Variants in OTUD7A observed in about 807,000 individuals in gnomAD.
OTUD7A encodes OTU domain-containing protein 7A.
In OTUD7A, 12 loss-of-function variants were observed where a neutral mutation model predicts 65.7. The observed-to-expected ratio is 0.18, with a 90% CI of 0.12 to 0.30. The LOEUF (loss-of-function observed/expected upper bound fraction) is 0.30, where lower values mean the gene tolerates loss of function less well. OTUD7A is among the 10% of genes least tolerant of loss of function. The pLI, the probability that OTUD7A is intolerant of heterozygous loss-of-function variation, is 1.00. For missense variants in OTUD7A, 1,148 were observed against 1,304.8 expected (o/e 0.88, Z 1.85); for synonymous variants, 641 against 586.3 (o/e 1.09, Z -1.35).
At chr15:31,503,148 G>C (rs868429233) in intron 9 of OTUD7A, among the ~76,000 whole-genome samples, 9 of 152,282 alleles carry the variant, frequency 5.9e-5, no homozygotes, top group Middle Eastern at 3.4e-3. Flanking sequence ...TTGTAGCAAG[G>C]GCTGAATGGA....
chr15:31,503,555 ACGT>A (rs2041507273), intron 9 of OTUD7A, 133 bp downstream of exon 9: 1 of 1,197,392 alleles, frequency 8.4e-7, no homozygotes. Flanking sequence ...AGAAAGAAAC[ACGT>A]CGAGGAGATC....
chr15:31,770,318 T>C (rs1895200312), intron 1 of OTUD7A, among the ~76,000 whole-genome samples: 1 of 152,184 alleles, frequency 6.6e-6, no homozygotes, highest in South Asian at 2.1e-4. Context: ...AGAAAACTCA[T>C]ATTAAGTGGA....
chr15:31,798,597 C>T (rs1371362647), intron 1 of OTUD7A, among the ~76,000 whole-genome samples: 1 of 152,218 alleles, frequency 6.6e-6, no homozygotes, highest in Non-Finnish European at 1.5e-5. Flanking sequence ...GCTGCACCAA[C>T]CTGCCAGGGA....
intron 3 of OTUD7A, among the ~76,000 whole-genome samples, chr15:31,640,792 A>T (rs955516654): frequency 5.9e-5 from 9 of 152,166 alleles, no homozygotes; most frequent in African/African-American, 2.2e-4. Flanking sequence ...TATTATAGTC[A>T]AGCACATTAG....
At chr15:31,551,403 C>T (rs1226078334) in intron 5 of OTUD7A, among the ~76,000 whole-genome samples, 1 of 152,174 alleles carries the variant, frequency 6.6e-6, no homozygotes, top group Non-Finnish European at 1.5e-5. Context: ...GAACAAGACA[C>T]GGGCACTGGC....
intron 3 of OTUD7A, among the ~76,000 whole-genome samples, chr15:31,646,840 G>T (rs768592048): frequency 6.6e-6 from 1 of 152,130 alleles, no homozygotes; most frequent in African/African-American, 2.4e-5. Context: ...GTACCTGGGG[G>T]TTACAAGCTT....
chr15:31,840,451 T>A (rs8037197), intron 1 of OTUD7A, among the ~76,000 whole-genome samples: 89,827 of 151,152 alleles, frequency 0.59, 26,891 homozygotes, highest in East Asian at 0.68. Context: ...AATTAAAAAA[T>A]AAAAATAAAA....
chr15:31,531,200 C>T (rs951475832), intron 5 of OTUD7A, among the ~76,000 whole-genome samples: 2 of 152,098 alleles, frequency 1.3e-5, no homozygotes, highest in Non-Finnish European at 2.9e-5. Context: ...GTTCATATTT[C>T]ATTTGATTCA....
At chr15:31,729,812 T>G (rs1893992458) in intron 1 of OTUD7A, among the ~76,000 whole-genome samples, 1 of 152,132 alleles carries the variant, frequency 6.6e-6, no homozygotes, top group African/African-American at 2.4e-5. Flanking sequence ...TTTCTTAACC[T>G]TCCTATCCAC....
At chr15:31,639,938 A>T (rs1891461474) in intron 3 of OTUD7A, among the ~76,000 whole-genome samples, 1 of 152,256 alleles carries the variant, frequency 6.6e-6, no homozygotes. Flanking sequence ...TATGATTTGC[A>T]GTATTTTCTT....
chr15:31,735,669 A>T (rs1894169456), intron 1 of OTUD7A, among the ~76,000 whole-genome samples: 1 of 152,226 alleles, frequency 6.6e-6, no homozygotes, highest in African/African-American at 2.4e-5. Flanking sequence ...TCAAAGACCT[A>T]AACATAGAAA....
chr15:31,506,431 T>G (rs2041568973), intron 8 of OTUD7A, among the ~76,000 whole-genome samples: 1 of 151,602 alleles, frequency 6.6e-6, no homozygotes, highest in African/African-American at 2.4e-5. Context: ...GTATTTTAAA[T>G]TTATTTGAAA....
At chr15:31,590,666 T>C (rs934595532) in intron 3 of OTUD7A, among the ~76,000 whole-genome samples, 3 of 152,210 alleles carry the variant, frequency 2.0e-5, no homozygotes, top group African/African-American at 2.4e-5. Flanking sequence ...CTCCATATCT[T>C]ATAAACAAAG....
chr15:31,642,024 G>C (rs1373469822), intron 3 of OTUD7A, among the ~76,000 whole-genome samples: 1 of 152,158 alleles, frequency 6.6e-6, no homozygotes, highest in Non-Finnish European at 1.5e-5. Context: ...TTCATCACTA[G>C]GTGTCAGGTT....
At chr15:31,750,402 T>TTAA (rs1894600547) in intron 1 of OTUD7A, among the ~76,000 whole-genome samples, 1 of 4,122 alleles carries the variant, frequency 2.4e-4, no homozygotes, top group African/African-American at 8.1e-4. Flanking sequence ...AGAATCTGAC[T>TTAA]CAAAAAAAAA....
chr15:31,531,116 G>C (rs1218704221), intron 5 of OTUD7A, among the ~76,000 whole-genome samples: 1 of 152,138 alleles, frequency 6.6e-6, no homozygotes, highest in Non-Finnish European at 1.5e-5. Context: ...CTTGAACACA[G>C]CTTTCCCTCC....
intron 5 of OTUD7A, among the ~76,000 whole-genome samples, chr15:31,540,862 T>C (rs1028490403): frequency 3.9e-5 from 6 of 152,100 alleles, no homozygotes; most frequent in African/African-American, 1.4e-4. Context: ...GAACTGCAAA[T>C]AAAGGGAAGC....
intron 10 of OTUD7A, among the ~76,000 whole-genome samples, chr15:31,494,987 CA>C (rs1179316981): frequency 1.8e-4 from 28 of 152,314 alleles, no homozygotes; most frequent in Admixed American, 3.9e-4. Flanking sequence ...ATTTGGGAAT[CA>C]GGGGCGATGG....
At chr15:31,676,926 G>C (rs1026219845) in intron 1 of OTUD7A, among the ~76,000 whole-genome samples, 1 of 152,232 alleles carries the variant, frequency 6.6e-6, no homozygotes, top group African/African-American at 2.4e-5. Context: ...GAAAAGTATA[G>C]GTGAATACAT....
Sources: gnomAD v4.1 joint callset for allele counts (sites outside exome capture counted in the v4.1 genomes callset) on GRCh38, gnomAD v4.1.1 for gene constraint, MANE v1.5 for transcripts, NCBI Gene and HGNC (gene_info 2026-07-23, HGNC 2026-07-21) for gene names.